Variants in GIN1 observed in about 807,000 individuals in gnomAD.
GIN1 encodes gypsy retrotransposon integrase-like protein 1.
A neutral mutation model predicts 51.4 loss-of-function variants in GIN1; 41 were observed. That is an observed-to-expected ratio of 0.80 (90% confidence interval 0.62 to 1.04). GIN1 has a LOEUF of 1.04. Ranked by LOEUF, GIN1 falls within the 50% of genes least tolerant of loss-of-function variation. The pLI, the probability that GIN1 is intolerant of heterozygous loss-of-function variation, is 0.00. For missense variants in GIN1, 610 were observed against 612.4 expected (o/e 1.00, Z 0.04); for synonymous variants, 222 against 206.5 (o/e 1.07, Z -0.64).
intron 1 of GIN1, among the ~76,000 whole-genome samples, chr5:103,113,862 G>T (rs1562336976): frequency 6.6e-6 from 1 of 152,108 alleles, no homozygotes; most frequent in Non-Finnish European, 1.5e-5. Context: ...TGGTGGTTAG[G>T]ATTTCAACAT....
chr5:103,088,024 C>T lies in GIN1; in HGVS notation c.1443G>A (p.Lys481=), dbSNP rs782781099. The T allele has an allele frequency of 1.9e-6, 3 of 1,609,362 alleles. No homozygotes were observed. The South Asian group carries it at 3.3e-5, about 18-fold the overall frequency. The part of the protein sequence containing the change: ...IVDNELLTSS[K]DRELLEYRNT... ...TTCTATATTCTAATAGTTCACGATC[C>T]TTGCTTGATGTCAGTAATTCATTAT... Residue 481 remains lysine (K), a synonymous_variant, in exon 8 of 8, where the codon AAG becomes AAA. Coordinates refer to ENST00000399004, the MANE Select transcript of GIN1 (RefSeq NM_017676.2).
intron 7 of GIN1, among the ~76,000 whole-genome samples, chr5:103,091,691 G>C (rs1787242005): frequency 6.6e-6 from 1 of 151,734 alleles, no homozygotes. Context: ...TTTTTAAAGA[G>C]ATGGGGTCTC....
chr5:103,088,452 T>G (rs1190189681), intron 7 of GIN1, among the ~76,000 whole-genome samples: 1 of 152,094 alleles, frequency 6.6e-6, no homozygotes, highest in Non-Finnish European at 1.5e-5. Context: ...TATGTATATA[T>G]GCGGACAACG....
chr5:103,115,112 A>G (rs554308068), intron 1 of GIN1, among the ~76,000 whole-genome samples: 33 of 152,304 alleles, frequency 2.2e-4, no homozygotes, highest in African/African-American at 7.7e-4. Flanking sequence ...GATCTAAAAA[A>G]TGTGACTGAG....
rs1216968545 is a variant in GIN1 at position 103,086,014 on chromosome 5, G to T, written c.*1884C>A. The T allele has an allele frequency of 6.6e-6, 1 of 152,140 alleles. No individual in the cohort carries two copies. The highest frequency in any genetic ancestry group is 1.5e-5 in the Non-Finnish European group (1 of 68,026). The allele number at this position is 152,140 out of a possible 1,614,324, so 9.4% of individuals were successfully genotyped here. On this transcript the variant is annotated 3_prime_UTR_variant, in exon 8 of 8. Coordinates refer to ENST00000399004, the MANE Select transcript of GIN1 (RefSeq NM_017676.2). ...CACAAACTGGATGGCTGAAACAATA[G>T]AATTTTATTGTCTCACAGTTCTGGA...
chr5:103,096,475 T>C, intron 7 of GIN1, 66 bp downstream of exon 7: 1 of 1,143,286 alleles, frequency 8.7e-7, no homozygotes, highest in Non-Finnish European at 1.3e-6. Flanking sequence ...GAGAAAGGTT[T>C]CTGTTATTTT....
rs530635899 is a variant in GIN1, at chr5:103,111,711, T to C, written c.-7-2997A>G. 9.9e-5 allele frequency among the ~76,000 whole-genome samples: 15 copies of C among 152,156 alleles called. No individual in the cohort carries two copies. In the South Asian group the frequency reaches 1.2e-3, roughly 13 times the overall value. On this transcript the variant is annotated intron_variant, in intron 1 of 7. Coordinates refer to ENST00000399004, the MANE Select transcript of GIN1 (RefSeq NM_017676.2). Reference sequence around the variant, plus strand: ...GAACTGGTAGAAAACAAACCAGCCATTGGAAAAAAAATGTGAGTCTGCATA... The same window carrying C: ...GAACTGGTAGAAAACAAACCAGCCACTGGAAAAAAAATGTGAGTCTGCATA...
chr5:103,105,999 A>T (rs2151472036), intron 3 of GIN1, among the ~76,000 whole-genome samples: 1 of 152,230 alleles, frequency 6.6e-6, no homozygotes, highest in Middle Eastern at 3.4e-3. Flanking sequence ...TACTTATGAA[A>T]TTTTGGTTTA....
chr5:103,097,402 C>T lies in GIN1; in HGVS notation c.920G>A (p.Gly307Asp). 1 of 1,570,022 alleles carries T rather than the reference C, an allele frequency of 6.4e-7. No individual in the cohort carries two copies. The highest frequency in any genetic ancestry group is 1.1e-5 in the South Asian group (1 of 89,902). ...ETSDSLHEVDGDNTSMFAKIL... is the reference protein window; with the variant it reads ...ETSDSLHEVDDDNTSMFAKIL... ...TTTGGCAAACATACTTGTATTATCA[C>T]CATCCACTTCATGAAGACTATCTGA... The change falls in exon 6 of 8, where the codon GGT becomes GAT. Residue 307 changes from glycine to aspartate, a missense_variant. Gly to Asp is a moderately conservative substitution (Grantham distance 94). Coordinates refer to ENST00000399004, the MANE Select transcript of GIN1 (RefSeq NM_017676.2).
chr5:103,091,048 A>AAT (rs1390951453), intron 7 of GIN1, among the ~76,000 whole-genome samples: 1 of 152,190 alleles, frequency 6.6e-6, no homozygotes, highest in Non-Finnish European at 1.5e-5. Context: ...AACCACTCTG[A>AAT]ATATGTCAAA....
intron 7 of GIN1, among the ~76,000 whole-genome samples, chr5:103,090,516 TCTA>T (rs1787208552): frequency 6.6e-6 from 1 of 152,170 alleles, no homozygotes; most frequent in Non-Finnish European, 1.5e-5. Flanking sequence ...GATGAAATTT[TCTA>T]CTAAGTCATG....
chr5:103,095,560 ATGTT>A (rs1176064118), intron 7 of GIN1, among the ~76,000 whole-genome samples: 2 of 152,240 alleles, frequency 1.3e-5, no homozygotes, highest in Non-Finnish European at 2.9e-5. Flanking sequence ...TCTGGACAGT[ATGTT>A]TGTTTTTGGC....
chr5:103,108,134 G>C (rs1173569517), intron 2 of GIN1, among the ~76,000 whole-genome samples: 2 of 152,012 alleles, frequency 1.3e-5, no homozygotes, highest in Non-Finnish European at 2.9e-5. Context: ...CAGTGGTGGG[G>C]TTCAAGGGGA....
chr5:103,117,581 T>TATACACAC (rs5870042), intron 1 of GIN1, among the ~76,000 whole-genome samples: 1 of 149,382 alleles, frequency 6.7e-6, no homozygotes, highest in African/African-American at 2.4e-5. Context: ...GAAAAAAATA[T>TATACACAC]ACACACACAC....
At chr5:103,092,945 CAAAAAAAAAAAAAA>C (rs5870040) in intron 7 of GIN1, among the ~76,000 whole-genome samples, 1,232 of 60,574 alleles carry the variant, frequency 0.02, 18 homozygotes, top group Middle Eastern at 0.06. Context: ...GAACCTGTCT[CAAAAAAAAAAAAAA>C]AAAAAAAAAA....
chr5:103,104,636 C>G lies in GIN1; in HGVS notation c.544G>C (p.Ala182Pro). Residue 182 changes from alanine to proline, a missense_variant, in exon 4 of 8, where the codon GCA (alanine) becomes CCA (proline). Coordinates refer to ENST00000399004, the MANE Select transcript of GIN1 (RefSeq NM_017676.2). The stretch of plus-strand genomic sequence containing the variant: ...ATAATAGCTTTAGAAACTTCTGATG[C>G]TGAAACATCACATAGAGGCAAAATC... ...IVILPLCDVS[A>P]SEVSKAIINI... is the part of the protein sequence containing the mutation. 1.3e-6 allele frequency: 2 copies of G among 1,595,668 alleles called. No individual in the cohort carries two copies. The highest frequency in any genetic ancestry group is 4.5e-5 in the East Asian group (2 of 44,748).
intron 7 of GIN1, among the ~76,000 whole-genome samples, chr5:103,095,654 G>T (rs1364888627): frequency 6.6e-6 from 1 of 152,218 alleles, no homozygotes; most frequent in African/African-American, 2.4e-5. Context: ...AGGTGCAATG[G>T]CACATGCACG....
intron 4 of GIN1, among the ~76,000 whole-genome samples, chr5:103,099,600 T>A (rs560212209): frequency 2.0e-5 from 3 of 152,158 alleles, no homozygotes; most frequent in Non-Finnish European, 4.4e-5. Context: ...TTTCAAAAGC[T>A]TGCCTAGGAA....
chr5:103,097,853 C>A, intron 4 of GIN1, 72 bp from the exon 5 acceptor site: 1 of 667,598 alleles, frequency 1.5e-6, no homozygotes. Flanking sequence ...TAAAAAAAAG[C>A]TTCAAAAGAA....
Sources: allele counts gnomAD v4.1 joint callset (sites outside exome capture counted in the v4.1 genomes callset), GRCh38; gene constraint gnomAD v4.1.1; transcripts MANE v1.5; gene names NCBI Gene and HGNC (gene_info 2026-07-23, HGNC 2026-07-21).